Variants in IPO5 observed in about 807,000 individuals in gnomAD.
IPO5 encodes the protein importin 5, also known as importin-5.
Under a neutral mutation model 143.3 loss-of-function variants are expected in IPO5, and 18 were observed. That is an observed-to-expected ratio of 0.13 (90% CI 0.09 to 0.19). The LOEUF (loss-of-function observed/expected upper bound fraction) is 0.19, where lower values mean the gene tolerates loss of function less well. IPO5 is among the 10% of genes least tolerant of loss of function. The pLI, the probability that IPO5 is intolerant of heterozygous loss-of-function variation, is 1.00. For missense variants in IPO5, 1,013 were observed against 1,336.9 expected, an observed-to-expected ratio of 0.76 and a Z score of 3.78; for synonymous variants, 477 against 465.7, an observed-to-expected ratio of 1.02 and a Z score of -0.31.
rs1887254650 is a variant in IPO5 at position 97,985,445 on chromosome 13, C to T, written c.196C>T (p.Leu66=). ...EEARQMAAVL[L]RRLLSSAFDE... ...GGCTAGACAAATGGCCGCCGTTCTC[C>T]TAAGACGTCTCTTGTCCTCTGCATT... Residue 66 remains leucine, a synonymous_variant, in exon 6 of 29, where the codon CTA becomes TTA. Coordinates refer to ENST00000651721, the MANE Select transcript of IPO5 (RefSeq NM_002271.6). 3 of 1,614,004 alleles carry T rather than the reference C, an allele frequency of 1.9e-6. No homozygotes were observed. Among genetic ancestry groups the T allele is most frequent in the Non-Finnish European group, 2.5e-6 (3 of 1,180,000 alleles).
At chr13:97,984,518 A>T (rs528615107) in intron 5 of IPO5, among the ~76,000 whole-genome samples, 1 of 152,256 alleles carries the variant, frequency 6.6e-6, no homozygotes, top group African/African-American at 2.4e-5. Context: ...AGTTTTAACC[A>T]CTTTTATAAG....
intron 11 of IPO5, among the ~76,000 whole-genome samples, chr13:97,996,396 T>C (rs1259257866): frequency 6.6e-6 from 1 of 152,120 alleles, no homozygotes; most frequent in African/African-American, 2.4e-5. Flanking sequence ...TGAACCCTGC[T>C]AAGTCTCAAT....
intron 11 of IPO5, among the ~76,000 whole-genome samples, chr13:97,994,876 A>T (rs941095975): frequency 2.0e-5 from 3 of 152,194 alleles, no homozygotes; most frequent in Non-Finnish European, 2.9e-5. Context: ...CTGTAATTCC[A>T]GCAATTTGGA....
intron 11 of IPO5, among the ~76,000 whole-genome samples, chr13:97,996,669 C>A (rs1888319261): frequency 6.6e-6 from 1 of 152,092 alleles, no homozygotes; most frequent in African/African-American, 2.4e-5. Context: ...GTGGTGTGAT[C>A]TTGGCTCACA....
chr13:97,973,674 C>T (rs762342652), intron 3 of IPO5, among the ~76,000 whole-genome samples: 1 of 152,184 alleles, frequency 6.6e-6, no homozygotes, highest in Non-Finnish European at 1.5e-5. Context: ...TAAGGCTGGG[C>T]TGTGATTTCG....
chr13:98,002,297 G>A (rs1458819137), intron 13 of IPO5, 170 bp from the exon 14 acceptor site: 3 of 484,670 alleles, frequency 6.2e-6, no homozygotes, highest in Non-Finnish European at 1.0e-5. Context: ...TTACAGGCGC[G>A]AGCCACCGCG....
intron 2 of IPO5, chr13:97,960,389 G>A (rs1207216897): frequency 1.3e-5 from 2 of 151,976 alleles, no homozygotes; most frequent in African/African-American, 2.4e-5. Flanking sequence ...TATCACTCAA[G>A]GATTCAGAAC....
chr13:97,993,132 A>G lies in IPO5; in HGVS notation c.820A>G (p.Met274Val). 14 of 1,614,156 alleles carry G rather than the reference A, an allele frequency of 8.7e-6. No individual in the cohort carries two copies. The highest frequency in any genetic ancestry group is 1.2e-5 in the Non-Finnish European group (14 of 1,179,982). The change falls in exon 11 of 29, where the codon ATG (methionine) becomes GTG (valine). Residue 274 changes from methionine to valine, a missense_variant. This residue lies in a region of IPO5 where 328 missense variants were observed against 342.0 expected (regional missense o/e 0.96). Coordinates refer to ENST00000651721, the MANE Select transcript of IPO5 (RefSeq NM_002271.6). Reference sequence around the variant, plus strand: ...GTGTGGAGACACTAGCCTCAACAATATGCAACGCCAGCTTGCCCTTGAAGT... The same window carrying G: ...GTGTGGAGACACTAGCCTCAACAATGTGCAACGCCAGCTTGCCCTTGAAGT... ...KLCGDTSLNNMQRQLALEVIV... is the reference protein window; with the variant it reads ...KLCGDTSLNNVQRQLALEVIV...
At chr13:98,006,927 A>G (rs1273399473) in intron 17 of IPO5, among the ~76,000 whole-genome samples, 32 of 144,606 alleles carry the variant, frequency 2.2e-4, no homozygotes, top group Non-Finnish European at 4.5e-4. Flanking sequence ...GTGCAGTGGC[A>G]TGATCCTGGC....
At chr13:97,977,843 A>C (rs539700984) in intron 4 of IPO5, among the ~76,000 whole-genome samples, 5 of 152,214 alleles carry the variant, frequency 3.3e-5, no homozygotes, top group Admixed American at 2.0e-4. Flanking sequence ...GTAGAGTTTC[A>C]TAAGATTAAG....
chr13:97,971,167 C>G (rs897561359), intron 3 of IPO5, among the ~76,000 whole-genome samples: 1 of 152,154 alleles, frequency 6.6e-6, no homozygotes, highest in Non-Finnish European at 1.5e-5. Flanking sequence ...CTGCAGATAT[C>G]CACTGAATCT....
intron 27 of IPO5, 60 bp from the exon 28 acceptor site, chr13:98,020,932 C>A: frequency 7.4e-7 from 1 of 1,350,602 alleles, no homozygotes; most frequent in Non-Finnish European, 1.0e-6. Flanking sequence ...TTTTAGTGAA[C>A]ACATAATCAT....
intron 13 of IPO5, chr13:98,001,065 G>A (rs775194610): frequency 6.2e-5 from 12 of 193,754 alleles, no homozygotes; most frequent in Admixed American, 2.8e-4. Flanking sequence ...GTTGACACAG[G>A]ATTTCGCCAT....
rs1432164262 is a variant in IPO5, at chr13:98,015,179, C to T, written c.2326-351C>T. Among the ~76,000 whole-genome samples, 5 of 151,704 alleles carry T rather than the reference C, an allele frequency of 3.3e-5. No homozygotes were observed. The East Asian group carries it at 5.8e-4, about 18-fold the overall frequency. On this transcript the variant is annotated intron_variant, in intron 22 of 28. Coordinates refer to ENST00000651721, the MANE Select transcript of IPO5 (RefSeq NM_002271.6). ...TCTTCTACCTCTAATGCCCTTCCTT[C>T]AGTGTTCTTGTATGTTGTGTGTACG...
intron 2 of IPO5, among the ~76,000 whole-genome samples, chr13:97,967,493 T>G (rs1885441767): frequency 6.6e-6 from 1 of 152,182 alleles, no homozygotes; most frequent in Non-Finnish European, 1.5e-5. Context: ...CTTTAGTATC[T>G]AAGGAAGTAG....
chr13:98,002,600 C>T lies in IPO5; in HGVS notation c.1233+9C>T. On this transcript the variant is annotated intron_variant, in intron 14 of 28. Coordinates refer to ENST00000651721, the MANE Select transcript of IPO5 (RefSeq NM_002271.6). Reference sequence around the variant, plus strand: ...TTTTTCTCCAGGATCCTGTAAGTACCAGTAAATATTTGATTCAAAATGATT... The same window carrying T: ...TTTTTCTCCAGGATCCTGTAAGTACTAGTAAATATTTGATTCAAAATGATT... The T allele has an allele frequency of 1.2e-6, 2 of 1,612,078 alleles. No individual in the cohort carries two copies. The highest frequency in any genetic ancestry group is 1.7e-6 in the Non-Finnish European group (2 of 1,179,106).
rs1594122789 is a variant in IPO5, at chr13:98,012,191, T to C, written c.2056-55T>C. The C allele has an allele frequency of 1.2e-5, 12 of 1,042,258 alleles. No individual in the cohort carries two copies. The East Asian group carries it at 2.9e-4, about 25-fold the overall frequency. The allele number at this position is 1,042,258 out of a possible 1,614,324, so 64.6% of individuals were successfully genotyped here. A position where few individuals can be genotyped will look rare whatever the true frequency, so the allele number is the denominator to read the frequency against. ...CTTATGATTTTGCTGTTTGTTAATA[T>C]TAATGCTTGAAGACTAACATGAATC... On this transcript the variant is annotated intron_variant, in intron 20 of 28. Coordinates refer to ENST00000651721, the MANE Select transcript of IPO5 (RefSeq NM_002271.6).
chr13:98,009,219 C>T (rs1229650654), intron 18 of IPO5, among the ~76,000 whole-genome samples: 1 of 152,146 alleles, frequency 6.6e-6, no homozygotes, highest in Non-Finnish European at 1.5e-5. Context: ...GGCATGTGTC[C>T]ATGCATGCTC....
At chr13:98,000,961 T>TA (rs1888719891) in intron 13 of IPO5, 2 of 288,206 alleles carry the variant, frequency 6.9e-6, no homozygotes, top group South Asian at 1.1e-4. Flanking sequence ...CTCTATCTAA[T>TA]GTTATCAAAA....
Sources: gnomAD v4.1 joint callset for allele counts (sites outside exome capture counted in the v4.1 genomes callset) on GRCh38, gnomAD v4.1.1 for gene constraint, gnomAD v4.1.1 regional missense constraint, MANE v1.5 for transcripts, NCBI Gene and HGNC (gene_info 2026-07-23, HGNC 2026-07-21) for gene names.